The following COBLL1 variants were observed in gnomAD, a reference collection of about 807,000 sequenced individuals.
The protein encoded by COBLL1 is cordon-bleu WH2 repeat protein like 1.
Under a neutral mutation model 94.8 loss-of-function variants are expected in COBLL1, and 50 were observed. That is an observed-to-expected ratio of 0.53 (90% CI 0.42 to 0.67). COBLL1 has a LOEUF of 0.67. COBLL1 is among the 30% of genes least tolerant of loss of function. The pLI, the probability that COBLL1 is intolerant of heterozygous loss-of-function variation, is 0.00. For missense variants in COBLL1, 1,362 were observed against 1,348.7 expected (o/e 1.01, Z -0.15); for synonymous variants, 448 against 473.8 (o/e 0.95, Z 0.71).
At chr2:164,767,170 G>A (rs1481727909) in intron 2 of COBLL1, among the ~76,000 whole-genome samples, 1 of 152,134 alleles carries the variant, frequency 6.6e-6, no homozygotes, top group Non-Finnish European at 1.5e-5. Flanking sequence ...ATGCAACAAT[G>A]GGCAGTTCAA....
intron 12 of COBLL1, among the ~76,000 whole-genome samples, chr2:164,693,908 T>C (rs979822816): frequency 2.6e-5 from 4 of 152,096 alleles, no homozygotes; most frequent in African/African-American, 9.7e-5. Flanking sequence ...CATAGTAATG[T>C]AAAATTGGAG....
intron 2 of COBLL1, among the ~76,000 whole-genome samples, chr2:164,836,096 A>T (rs1683305597): frequency 6.6e-6 from 1 of 152,160 alleles, no homozygotes. Flanking sequence ...TTTGAAGGGC[A>T]AGTATAGCAT....
chr2:164,762,696 CTTTT>C (rs71028440), intron 2 of COBLL1, among the ~76,000 whole-genome samples: 4 of 132,746 alleles, frequency 3.0e-5, no homozygotes, highest in African/African-American at 1.2e-4. Context: ...GCCTATCATC[CTTTT>C]TTTTTTTTTT....
chr2:164,758,489 T>A (rs1687520246), intron 2 of COBLL1, among the ~76,000 whole-genome samples: 1 of 152,192 alleles, frequency 6.6e-6, no homozygotes, highest in Non-Finnish European at 1.5e-5. Context: ...CCAGTCATTC[T>A]TGCACAACTT....
At chr2:164,805,767 A>G (rs1234817133) in intron 2 of COBLL1, among the ~76,000 whole-genome samples, 1 of 152,080 alleles carries the variant, frequency 6.6e-6, no homozygotes, top group Non-Finnish European at 1.5e-5. Context: ...AGTTTTGGCA[A>G]TTATGAATAA....
chr2:164,774,725 A>C (rs892789596), intron 2 of COBLL1, among the ~76,000 whole-genome samples: 5 of 152,152 alleles, frequency 3.3e-5, no homozygotes, highest in Non-Finnish European at 7.4e-5. Context: ...TCCACAACAA[A>C]CATTTTTAAG....
chr2:164,677,912 C>G (rs1691364816), downstream of COBLL1, among the ~76,000 whole-genome samples: 2 of 152,136 alleles, frequency 1.3e-5, no homozygotes, highest in African/African-American at 2.4e-5. Flanking sequence ...TCATACTGGG[C>G]CATATCCTCT....
At chr2:164,716,462 G>A (rs1008942940) in intron 7 of COBLL1, among the ~76,000 whole-genome samples, 12 of 152,092 alleles carry the variant, frequency 7.9e-5, no homozygotes, top group Non-Finnish European at 1.6e-4. Context: ...CATTTTCATA[G>A]AAGATGATAT....
intron 2 of COBLL1, among the ~76,000 whole-genome samples, chr2:164,782,458 C>T (rs894431753): frequency 3.3e-5 from 5 of 151,894 alleles, no homozygotes; most frequent in Non-Finnish European, 5.9e-5. Context: ...ATTTTGCAAT[C>T]GGTGACATCA....
intron 2 of COBLL1, among the ~76,000 whole-genome samples, chr2:164,753,830 C>T (rs1320151248): frequency 6.6e-6 from 1 of 151,468 alleles, no homozygotes; most frequent in Non-Finnish European, 1.5e-5. Flanking sequence ...CAACCTCAGC[C>T]TCTTGGGTTC....
chr2:164,720,863 T>A (rs1432868451), intron 7 of COBLL1, among the ~76,000 whole-genome samples: 1 of 152,206 alleles, frequency 6.6e-6, no homozygotes, highest in Non-Finnish European at 1.5e-5. Context: ...AAATTCTTTG[T>A]CAGTATGTGA....
At chr2:164,796,705 C>CAAAAAA (rs34412964) in intron 2 of COBLL1, among the ~76,000 whole-genome samples, 2 of 86,694 alleles carry the variant, frequency 2.3e-5, no homozygotes, top group Admixed American at 2.7e-4. Flanking sequence ...GCTGGCCTTC[C>CAAAAAA]AAAAAAAAAA....
At position 164,745,571 on chromosome 2, in the gene COBLL1, G is replaced by A. The variant is rs145945994; in HGVS notation, c.42-1696C>T. ...AGTTCCTATTCCTGAAGGGTTCATC[G>A]CCCCAAAGGATTGACAGGCAGGCAA... On this transcript the variant is annotated intron_variant, in intron 2 of 13. Transcript: ENST00000652658. Among the ~76,000 whole-genome samples the A allele has an allele frequency of 3.1e-3, 475 of 152,188 alleles. 5 individuals carry two copies. The highest frequency in any genetic ancestry group is 0.011 in the African/African-American group (447 of 41,504).
chr2:164,741,559 C>A (rs1047948635), intron 3 of COBLL1, among the ~76,000 whole-genome samples: 18 of 151,548 alleles, frequency 1.2e-4, no homozygotes, highest in Admixed American at 1.3e-4. Context: ...AGCCAATAGG[C>A]GCCAAGCCCT....
At chr2:164,834,955 A>G (rs867007151) in intron 2 of COBLL1, among the ~76,000 whole-genome samples, 2 of 152,302 alleles carry the variant, frequency 1.3e-5, no homozygotes, top group South Asian at 4.1e-4. Context: ...CCACATACCC[A>G]TTAGGATAGC....
At chr2:164,705,227 A>T (rs1310637420) in intron 7 of COBLL1, 122 bp from the exon 8 acceptor site, 4 of 685,766 alleles carry the variant, frequency 5.8e-6, no homozygotes, top group Non-Finnish European at 2.1e-6. Context: ...GTCATTCCTT[A>T]AAAACGTTTA....
At chr2:164,673,224 A>G (rs1691276263) in intron 1 of COBLL1, among the ~76,000 whole-genome samples, 1 of 152,236 alleles carries the variant, frequency 6.6e-6, no homozygotes, top group South Asian at 2.1e-4. Context: ...AGCTTAAAAT[A>G]CATAATAAAT....
chr2:164,658,067 GCTATTTCTTTAC>G (rs370289705), intron 2 of COBLL1, among the ~76,000 whole-genome samples: 4 of 152,230 alleles, frequency 2.6e-5, no homozygotes, highest in African/African-American at 9.6e-5. Context: ...CAGGTGATTG[GCTATTTCTTTAC>G]CTCCTGTTGT....
At chr2:164,717,913 A>C (rs544721129) in intron 7 of COBLL1, among the ~76,000 whole-genome samples, 7 of 152,340 alleles carry the variant, frequency 4.6e-5, no homozygotes, top group Admixed American at 2.0e-4. Flanking sequence ...TGCATTATGC[A>C]ATGTACAGTA....
Sources: allele counts gnomAD v4.1 joint callset (sites outside exome capture counted in the v4.1 genomes callset), GRCh38; gene constraint gnomAD v4.1.1; transcripts MANE v1.5; gene names NCBI Gene and HGNC (gene_info 2026-07-23, HGNC 2026-07-21).